Variants in DCC observed in about 807,000 individuals in gnomAD.
The protein encoded by DCC is netrin receptor DCC.
A neutral mutation model predicts 172.5 loss-of-function variants in DCC; 58 were observed. The observed-to-expected ratio is 0.34, with a 90% CI of 0.27 to 0.42. The LOEUF (loss-of-function observed/expected upper bound fraction) is 0.42, where lower values mean the gene tolerates loss of function less well. DCC is among the 10% of genes least tolerant of loss of function. The probability of loss-of-function intolerance (pLI) is 1.00; values close to 1 mark genes in which losing one functional copy is unlikely to be tolerated. For missense variants in DCC, 1,740 were observed against 1,791.0 expected (o/e 0.97, Z 0.51); for synonymous variants, 709 against 644.5 (o/e 1.10, Z -1.52).
chr18:52,892,544 A>G (rs1347303204), intron 2 of DCC: 2 of 152,156 alleles, frequency 1.3e-5, no homozygotes. Flanking sequence ...TAAGTACAGA[A>G]CAAAATGTGT....
chr18:53,316,651 T>C (rs1195004055), intron 13 of DCC, among the ~76,000 whole-genome samples: 2 of 152,194 alleles, frequency 1.3e-5, no homozygotes, highest in Non-Finnish European at 2.9e-5. Context: ...TGGTTTGTAG[T>C]TCTCCTTGAA....
intron 2 of DCC, among the ~76,000 whole-genome samples, chr18:52,802,643 C>CTTTTTTTTTT (rs776080029): frequency 7.9e-5 from 3 of 38,202 alleles, no homozygotes; most frequent in Non-Finnish European, 1.5e-4. Context: ...CACGCCAAGC[C>CTTTTTTTTTT]TTTTTTTTTT....
intron 15 of DCC, among the ~76,000 whole-genome samples, chr18:53,350,738 C>T (rs1289455182): frequency 1.3e-5 from 2 of 151,936 alleles, no homozygotes. Flanking sequence ...AATTCAAGAG[C>T]TGTAAATGTC....
chr18:52,630,132 G>A (rs939832094), intron 1 of DCC, among the ~76,000 whole-genome samples: 3 of 151,782 alleles, frequency 2.0e-5, no homozygotes, highest in Non-Finnish European at 4.4e-5. Context: ...AGTAAGAAAG[G>A]ATACTTTAAT....
chr18:52,521,645 T>C (rs897976705), intron 1 of DCC, among the ~76,000 whole-genome samples: 1 of 152,120 alleles, frequency 6.6e-6, no homozygotes, highest in African/African-American at 2.4e-5. Flanking sequence ...ATAAACTCTG[T>C]ATTTGTCTTC....
intron 2 of DCC, among the ~76,000 whole-genome samples, chr18:52,753,790 G>A (rs2037035078): frequency 6.6e-6 from 1 of 152,104 alleles, no homozygotes. Context: ...CACTCTTCTG[G>A]TTAGAAGGCA....
chr18:53,437,982 T>C lies in DCC; in HGVS notation c.3229+2773T>C, dbSNP rs1458656453. On this transcript the variant is annotated intron_variant, in intron 22 of 28. Transcript: ENST00000442544. Reference sequence around the variant, plus strand: ...GGATGAGAAAATCCCTAGAGATATATAGCAGGGTAAAAAAAGGAAGTTGCT... The same window carrying C: ...GGATGAGAAAATCCCTAGAGATATACAGCAGGGTAAAAAAAGGAAGTTGCT... Among the ~76,000 whole-genome samples, 4 of 152,124 alleles carry C rather than the reference T, an allele frequency of 2.6e-5. No homozygotes were observed. The East Asian group carries it at 5.8e-4, about 22-fold the overall frequency.
chr18:52,470,459 C>T (rs1256828884), intron 1 of DCC, among the ~76,000 whole-genome samples: 1 of 152,114 alleles, frequency 6.6e-6, no homozygotes. Flanking sequence ...TTTCAGATCT[C>T]TTGTAACATT....
intron 12 of DCC, among the ~76,000 whole-genome samples, chr18:53,241,813 C>A (rs2056299004): frequency 6.6e-6 from 1 of 152,112 alleles, no homozygotes; most frequent in Non-Finnish European, 1.5e-5. Flanking sequence ...ATCTGCCAGG[C>A]AAAGCCTTTT....
At chr18:53,277,240 C>T (rs182154236) in intron 12 of DCC, among the ~76,000 whole-genome samples, 139 of 152,186 alleles carry the variant, frequency 9.1e-4, no homozygotes, top group African/African-American at 3.0e-3. Flanking sequence ...GAGGCCAAGG[C>T]GGGAGGATCA....
intron 12 of DCC, among the ~76,000 whole-genome samples, chr18:53,267,589 C>T (rs1254925036): frequency 6.6e-6 from 1 of 152,108 alleles, no homozygotes; most frequent in Non-Finnish European, 1.5e-5. Flanking sequence ...AATTGATCCT[C>T]CTAGAACCAC....
At chr18:52,784,257 T>G (rs1332313527) in intron 2 of DCC, among the ~76,000 whole-genome samples, 1 of 152,098 alleles carries the variant, frequency 6.6e-6, no homozygotes, top group Non-Finnish European at 1.5e-5. Context: ...CAGAATTTCT[T>G]TTTTATAGTG....
intron 1 of DCC, among the ~76,000 whole-genome samples, chr18:52,555,882 A>G (rs988009246): frequency 1.1e-4 from 16 of 152,148 alleles, no homozygotes; most frequent in Non-Finnish European, 1.5e-5. Context: ...TTGATGTAAT[A>G]TAATTATTCA....
intron 9 of DCC, among the ~76,000 whole-genome samples, chr18:53,201,618 C>T (rs1176258959): frequency 6.6e-6 from 1 of 152,100 alleles, no homozygotes; most frequent in Admixed American, 6.6e-5. Flanking sequence ...AGTACTGTGA[C>T]CATCCACTTG....
intron 1 of DCC, among the ~76,000 whole-genome samples, chr18:52,528,533 C>G (rs2032050233): frequency 2.0e-5 from 3 of 152,074 alleles, no homozygotes; most frequent in African/African-American, 7.2e-5. Context: ...AAGACTGGAG[C>G]CTGGATTAAA....
chr18:53,317,374 C>T (rs1036362360), intron 13 of DCC, among the ~76,000 whole-genome samples: 1 of 152,122 alleles, frequency 6.6e-6, no homozygotes, highest in Non-Finnish European at 1.5e-5. Context: ...CTGCTGGATT[C>T]GGTTTGCCAG....
intron 7 of DCC, among the ~76,000 whole-genome samples, chr18:53,069,329 A>T (rs553475718): frequency 3.3e-5 from 5 of 152,306 alleles, no homozygotes; most frequent in Admixed American, 3.3e-4. Context: ...AAGAGAAAGG[A>T]GAGGACAACA....
chr18:53,361,617 G>C (rs1019480763), intron 15 of DCC, among the ~76,000 whole-genome samples: 1 of 152,068 alleles, frequency 6.6e-6, no homozygotes, highest in Non-Finnish European at 1.5e-5. Flanking sequence ...TCAATTGTTG[G>C]CCAGTCAAAC....
chr18:53,291,374 A>G (rs755520970), intron 12 of DCC, among the ~76,000 whole-genome samples: 6 of 152,088 alleles, frequency 3.9e-5, no homozygotes, highest in Non-Finnish European at 8.8e-5. Flanking sequence ...ATCTTATCCT[A>G]TAGTTGCCGT....
Sources: allele counts gnomAD v4.1 joint callset (sites outside exome capture counted in the v4.1 genomes callset), GRCh38; gene constraint gnomAD v4.1.1; transcripts MANE v1.5; gene names NCBI Gene and HGNC (gene_info 2026-07-23, HGNC 2026-07-21).